Variants in KCNQ5 observed in about 807,000 individuals in gnomAD.
KCNQ5 encodes potassium voltage-gated channel subfamily KQT member 5.
In KCNQ5, 30 loss-of-function variants were observed where a neutral mutation model predicts 98.2. The observed-to-expected ratio is 0.31, with a 90% CI of 0.23 to 0.41. The LOEUF is 0.41. Ranked by LOEUF, KCNQ5 falls within the 10% of genes least tolerant of loss-of-function variation. The pLI, the probability that KCNQ5 is intolerant of heterozygous loss-of-function variation, is 1.00. For synonymous variants in KCNQ5, 458 were observed against 449.4 expected (o/e 1.02, Z -0.24); for missense variants, 835 against 1,182.5 (o/e 0.71, Z 4.31).
chr6:73,115,292 A>C (rs1049123040), intron 7 of KCNQ5, among the ~76,000 whole-genome samples: 1 of 152,192 alleles, frequency 6.6e-6, no homozygotes, highest in African/African-American at 2.4e-5. Context: ...AAGAAACATG[A>C]AGTGTCCATC....
chr6:72,897,789 G>A (rs1005316784), intron 1 of KCNQ5, among the ~76,000 whole-genome samples: 2 of 152,194 alleles, frequency 1.3e-5, no homozygotes, highest in Non-Finnish European at 2.9e-5. Context: ...TCATGGCTTT[G>A]TTGGGGATGG....
intron 3 of KCNQ5, among the ~76,000 whole-genome samples, chr6:73,068,466 A>G (rs77385907): frequency 6.6e-6 from 1 of 152,214 alleles, no homozygotes; most frequent in African/African-American, 2.4e-5. Flanking sequence ...TAATAATAAT[A>G]GTAATAATAA....
chr6:72,692,397 C>T (rs569157399), intron 1 of KCNQ5, among the ~76,000 whole-genome samples: 2 of 152,328 alleles, frequency 1.3e-5, no homozygotes, highest in South Asian at 4.1e-4. Context: ...AGCAGCATTC[C>T]TTCCATGATT....
chr6:72,904,385 A>G (rs1215336711), intron 1 of KCNQ5, among the ~76,000 whole-genome samples: 1 of 152,166 alleles, frequency 6.6e-6, no homozygotes, highest in East Asian at 1.9e-4. Flanking sequence ...GTACCATTCC[A>G]TTCATCATGC....
At chr6:72,652,527 T>A (rs4707980) in intron 1 of KCNQ5, among the ~76,000 whole-genome samples, 35,232 of 151,742 alleles carry the variant, frequency 0.23, 5,303 homozygotes, top group East Asian at 0.5. Flanking sequence ...TTCCCTAGAA[T>A]TGAGCAGGAT....
chr6:73,090,381 G>A (rs1046189678), intron 5 of KCNQ5, among the ~76,000 whole-genome samples: 2 of 152,056 alleles, frequency 1.3e-5, no homozygotes, highest in Non-Finnish European at 2.9e-5. Flanking sequence ...TCTGCTGACT[G>A]TTTCTTTTGC....
At chr6:72,846,210 T>A (rs1777013822) in intron 1 of KCNQ5, among the ~76,000 whole-genome samples, 1 of 152,182 alleles carries the variant, frequency 6.6e-6, no homozygotes, top group Admixed American at 6.5e-5. Flanking sequence ...TCACATTTGT[T>A]TCATATATAT....
chr6:72,736,601 G>A (rs1401392493), intron 1 of KCNQ5, among the ~76,000 whole-genome samples: 3 of 138,538 alleles, frequency 2.2e-5, no homozygotes, highest in African/African-American at 5.7e-5. Flanking sequence ...CCGGGTTCAC[G>A]CCATTCTCCT....
intron 1 of KCNQ5, among the ~76,000 whole-genome samples, chr6:72,711,990 G>A (rs183810366): frequency 6.6e-6 from 1 of 152,280 alleles, no homozygotes; most frequent in Non-Finnish European, 1.5e-5. Flanking sequence ...TATAAACTTG[G>A]AGGTCAAAGC....
intron 1 of KCNQ5, among the ~76,000 whole-genome samples, chr6:72,628,277 G>T (rs1582002259): frequency 6.6e-6 from 1 of 152,128 alleles, no homozygotes; most frequent in African/African-American, 2.4e-5. Flanking sequence ...AAAGAAAAAA[G>T]ATATGGGACT....
chr6:73,174,413 G>A (rs951191049), intron 11 of KCNQ5, among the ~76,000 whole-genome samples: 2 of 152,138 alleles, frequency 1.3e-5, no homozygotes, highest in African/African-American at 2.4e-5. Flanking sequence ...TGACCAAGAC[G>A]CTATCGATTG....
At chr6:72,687,581 T>A (rs1395107182) in intron 1 of KCNQ5, among the ~76,000 whole-genome samples, 1 of 152,192 alleles carries the variant, frequency 6.6e-6, no homozygotes, top group African/African-American at 2.4e-5. Context: ...GGAAGAACAT[T>A]ATGGGGATTT....
intron 2 of KCNQ5, among the ~76,000 whole-genome samples, chr6:73,007,007 G>A (rs961735049): frequency 3.3e-5 from 5 of 152,086 alleles, no homozygotes; most frequent in African/African-American, 1.2e-4. Flanking sequence ...AGCGTGTTAG[G>A]TGCAGGCCAT....
chr6:72,844,127 T>C lies in KCNQ5; in HGVS notation c.399-159781T>C, dbSNP rs72941587. Among the ~76,000 whole-genome samples the C allele has an allele frequency of 9.0e-3, 1,375 of 152,258 alleles. 8 individuals carry two copies. The highest frequency in any genetic ancestry group is 0.015 in the Non-Finnish European group (989 of 68,020). ...CTATGTAACAAACCTGCATGTTCTG[T>C]GTTCTGCACATATATCCCAGAACTT... On this transcript the variant is annotated intron_variant, in intron 1 of 13. Coordinates refer to ENST00000370398, the MANE Select transcript of KCNQ5 (RefSeq NM_019842.4).
At chr6:72,841,755 T>G (rs1294192504) in intron 1 of KCNQ5, among the ~76,000 whole-genome samples, 1 of 152,190 alleles carries the variant, frequency 6.6e-6, no homozygotes, top group Non-Finnish European at 1.5e-5. Flanking sequence ...GTAATCCTAA[T>G]TAAACAAAGT....
At chr6:73,083,910 T>C (rs1041138477) in intron 5 of KCNQ5, among the ~76,000 whole-genome samples, 1 of 152,226 alleles carries the variant, frequency 6.6e-6, no homozygotes, top group African/African-American at 2.4e-5. Flanking sequence ...GTGATTCACT[T>C]TTAACACTGT....
intron 5 of KCNQ5, among the ~76,000 whole-genome samples, chr6:73,100,593 C>T (rs529476143): frequency 2.4e-4 from 37 of 151,514 alleles, no homozygotes; most frequent in Middle Eastern, 3.4e-3. Flanking sequence ...GGCGTGAACC[C>T]GGGAGGCGGA....
intron 11 of KCNQ5, among the ~76,000 whole-genome samples, chr6:73,174,190 AAG>A (rs1484284511): frequency 3.9e-5 from 6 of 152,182 alleles, no homozygotes; most frequent in Non-Finnish European, 4.4e-5. Flanking sequence ...ATTGGTACCC[AAG>A]AGTTGGTGAA....
intron 1 of KCNQ5, among the ~76,000 whole-genome samples, chr6:72,765,527 A>T (rs1772522507): frequency 6.6e-6 from 1 of 152,040 alleles, no homozygotes; most frequent in Non-Finnish European, 1.5e-5. Context: ...GACTGAAATA[A>T]GAGTGTTCTG....
Sources: gnomAD v4.1 joint callset for allele counts (sites outside exome capture counted in the v4.1 genomes callset) on GRCh38, gnomAD v4.1.1 for gene constraint, MANE v1.5 for transcripts, NCBI Gene and HGNC (gene_info 2026-07-23, HGNC 2026-07-21) for gene names.